The following KDM1A variants were observed in gnomAD, a reference collection of about 807,000 sequenced individuals.
KDM1A encodes the protein lysine demethylase 1A, also known as lysine-specific histone demethylase 1A.
In KDM1A, 49 loss-of-function variants were observed where a neutral mutation model predicts 109.4. The ratio of observed to expected loss-of-function variants is 0.45; its 90% CI spans 0.36 to 0.57. The LOEUF (loss-of-function observed/expected upper bound fraction) is 0.57. KDM1A is among the 20% of genes least tolerant of loss of function. The probability of loss-of-function intolerance (pLI) is 0.00; values close to 1 mark genes in which losing one functional copy is unlikely to be tolerated. For synonymous variants in KDM1A, 380 were observed against 415.4 expected (o/e 0.91, Z 1.04); for missense variants, 668 against 1,116.6 (o/e 0.60, Z 5.73).
rs930049482 is a variant in KDM1A at position 23,071,382 on chromosome 1, A to G, written c.1548+23A>G. 5 of 1,568,062 alleles carry G rather than the reference A, an allele frequency of 3.2e-6. No individual in the cohort carries two copies. In the African/African-American group the frequency reaches 6.9e-5, roughly 22 times the overall value. ...AAGGTGTGGTATACATACATGCCTA[A>G]CTGGTTTTACTTGGAATCCTAAGAA... On this transcript the variant is annotated intron_variant, in intron 13 of 20. Coordinates refer to ENST00000400181, the MANE Select transcript of KDM1A (RefSeq NM_001009999.3).
rs1298612005 is a variant in KDM1A at position 23,083,557 on chromosome 1, A to T, written c.*193A>T. On this transcript the variant is annotated 3_prime_UTR_variant, in exon 21 of 21. Coordinates refer to ENST00000400181, the MANE Select transcript of KDM1A (RefSeq NM_001009999.3). ...CTAGAGCACAGGGAGGAACTTGTCC[A>T]TTAGTTTGGAATTGTGTTCTTCGTA... The T allele has an allele frequency of 2.1e-6, 1 of 473,222 alleles. No homozygotes were observed. Among genetic ancestry groups the T allele is most frequent in the African/African-American group, 1.9e-5 (1 of 52,072 alleles). 29.3% of individuals were successfully genotyped at this position (473,222 alleles called of 1,614,324 possible).
rs753995292 is a variant in KDM1A at position 23,083,301 on chromosome 1, C to T, written c.2568C>T (p.Ala856=). Residue 856 remains alanine, a synonymous_variant, in exon 21 of 21, where the codon GCC becomes GCT. Coordinates refer to ENST00000400181, the MANE Select transcript of KDM1A (RefSeq NM_001009999.3). The stretch of plus-strand genomic sequence containing the variant: ...GAATTGCAGACCAGTTTTTGGGGGC[C>T]ATGTATACGCTGCCTCGCCAGGCCA... ...AGRIADQFLG[A]MYTLPRQATP... 1 of 1,613,878 alleles carries T rather than the reference C, an allele frequency of 6.2e-7. No individual in the cohort carries two copies. Among genetic ancestry groups the T allele is most frequent in the East Asian group, 2.2e-5 (1 of 44,858 alleles).
At position 23,055,812 on chromosome 1, in the gene KDM1A, T is replaced by C. The variant is rs562533417; in HGVS notation, c.884-120T>C. 3.2e-5 allele frequency: 15 copies of C among 472,426 alleles called. No individual in the cohort carries two copies. In the South Asian group the frequency reaches 4.6e-4, roughly 14 times the overall value. 29.3% of individuals were successfully genotyped at this position (472,426 alleles called of 1,614,324 possible). The stretch of plus-strand genomic sequence containing the variant: ...AGTTTCCATATTTTGAAAATAACTC[T>C]CTGTATTTTTTACTTTGTAAGCTAT... On this transcript the variant is annotated intron_variant, in intron 6 of 20. Transcript: ENST00000400181.
At chr1:23,059,931 C>T (rs1300297525) in intron 9 of KDM1A, among the ~76,000 whole-genome samples, 2 of 152,120 alleles carry the variant, frequency 1.3e-5, no homozygotes, top group African/African-American at 4.8e-5. Flanking sequence ...GCTATTCTTA[C>T]TAAAAGTAGT....
Position 23,081,566 on chromosome 1 carries a change from T to C in KDM1A, c.2291T>C (p.Val764Ala), listed in dbSNP as rs1286998476. Residue 764 changes from valine (V) to alanine (A), a missense_variant, in exon 19 of 21, where the codon GTA (valine) becomes GCA (alanine). By Grantham distance (64) the Val-to-Ala change is moderately conservative. Around this residue, in one of 8 missense-constraint regions of KDM1A, gnomAD observed 162 missense variants for 376.4 expected, o/e 0.43. Coordinates refer to ENST00000400181, the MANE Select transcript of KDM1A (RefSeq NM_001009999.3). Reference sequence around the variant, plus strand: ...AAAGGGATTTTTGGTAGCAGTGCAGTACCTCAGGTAAGTAGGTAGGTGGGG... The same window carrying C: ...AAAGGGATTTTTGGTAGCAGTGCAGCACCTCAGGTAAGTAGGTAGGTGGGG... ...ILKGIFGSSA[V>A]PQPKETVVSR... The C allele has an allele frequency of 6.2e-7, 1 of 1,614,126 alleles. No individual in the cohort carries two copies. The highest frequency in any genetic ancestry group is 2.2e-5 in the East Asian group (1 of 44,874).
Position 23,040,931 on chromosome 1 carries a change from A to G in KDM1A, c.518-3496A>G, listed in dbSNP as rs147920004. Among the ~76,000 whole-genome samples the G allele has an allele frequency of 2.7e-3, 409 of 152,340 alleles. 5 individuals carry two copies. The highest frequency in any genetic ancestry group is 9.1e-3 in the African/African-American group (378 of 41,582). On this transcript the variant is annotated intron_variant, in intron 2 of 20. Transcript: ENST00000400181. ...GGTGATATTACAAAGTTGCTTTTGAATATTTTCATTTTCTGTTTTGAATTT... is the reference window on the plus strand; with the variant it reads ...GGTGATATTACAAAGTTGCTTTTGAGTATTTTCATTTTCTGTTTTGAATTT...
At position 23,055,099 on chromosome 1, in the gene KDM1A, G is replaced by A. The variant is rs2124467019; in HGVS notation, c.821G>A (p.Ser274Asn). The part of the protein sequence containing the change: ...SDTVLVHRVH[S>N]YLERHGLINF... ...ACTGTGCTTGTCCACCGAGTTCACA[G>A]TTATTTAGAGCGTCATGGTCTTATC... The change falls in exon 6 of 21, where the codon AGT (serine) becomes AAT (asparagine). Residue 274 changes from serine (S) to asparagine (N), a missense_variant. Coordinates refer to ENST00000400181, the MANE Select transcript of KDM1A (RefSeq NM_001009999.3). 1 of 1,612,518 alleles carries A rather than the reference G, an allele frequency of 6.2e-7. No individual in the cohort carries two copies. The highest frequency in any genetic ancestry group is 8.5e-7 in the Non-Finnish European group (1 of 1,179,472).
At chr1:23,023,471 C>G (rs745353249) in intron 1 of KDM1A, among the ~76,000 whole-genome samples, 2 of 152,122 alleles carry the variant, frequency 1.3e-5, no homozygotes, top group Non-Finnish European at 2.9e-5. Context: ...TTTCTCTCAG[C>G]GAATAGTTGG....
chr1:23,080,945 AT>A, intron 18 of KDM1A: 1 of 152,854 alleles, frequency 6.5e-6, no homozygotes, highest in Admixed American at 6.5e-5. Flanking sequence ...TTTATATCAT[AT>A]TTTTTATCCC....
Position 23,019,793 on chromosome 1 carries a change from C to T in KDM1A, c.197C>T (p.Pro66Leu). The T allele has an allele frequency of 1.4e-6, 2 of 1,384,676 alleles. No individual in the cohort carries two copies. Among genetic ancestry groups the T allele is most frequent in the Non-Finnish European group, 1.9e-6 (2 of 1,068,298 alleles). The allele number at this position is 1,384,676 out of a possible 1,614,324, so 85.8% of individuals were successfully genotyped here. A position where few individuals can be genotyped will look rare whatever the true frequency, so the allele number is the denominator to read the frequency against. ...GERTPRKKEP[P>L]RASPPGGLAE... ...CGCACACCCCGCAAGAAAGAGCCTC[C>T]GCGGGCCTCGCCCCCCGGGGGCCTG... is the stretch of plus-strand genomic sequence containing the variant. The change falls in exon 1 of 21, where the codon CCG becomes CTG. Residue 66 changes from proline (P) to leucine (L), a missense_variant. Pro to Leu is a moderately conservative substitution (Grantham distance 98). Coordinates refer to ENST00000400181, the MANE Select transcript of KDM1A (RefSeq NM_001009999.3).
chr1:23,019,623 C>CGCGGCG lies in KDM1A; in HGVS notation c.36_41dup (p.Ala17_Ala18dup). On this transcript the variant is annotated inframe_insertion, in exon 1 of 21. Transcript: ENST00000400181. ...TGTTATCTGGGAAGAAGGCGGCAGC[C>CGCGGCG]GCGGCGGCGGCGGCTGCAGCGGCAG... is the stretch of plus-strand genomic sequence containing the variant. The CGCGGCG allele has an allele frequency of 6.3e-6, 9 of 1,418,186 alleles. No individual in the cohort carries two copies. Among genetic ancestry groups the CGCGGCG allele is most frequent in the South Asian group, 3.1e-5 (2 of 65,280 alleles). The allele number at this position is 1,418,186 out of a possible 1,614,324, so 87.9% of individuals were successfully genotyped here. A position where few individuals can be genotyped will look rare whatever the true frequency, so the allele number is the denominator to read the frequency against.
chr1:23,031,197 G>A (rs561017466), intron 2 of KDM1A, among the ~76,000 whole-genome samples: 6 of 152,274 alleles, frequency 3.9e-5, no homozygotes, highest in Admixed American at 1.3e-4. Context: ...GCTTCAAACA[G>A]CTTTAAAGAA....
In KDM1A at chr1:23,079,636, T is replaced by C; in HGVS notation, c.2139T>C (p.Gly713=). The C allele has an allele frequency of 3.1e-6, 5 of 1,613,542 alleles. No individual in the cohort carries two copies. Among genetic ancestry groups the C allele is most frequent in the Admixed American group, 1.7e-5 (1 of 59,980 alleles). ...GHVGSTTASR[G]ELFLFWNLYK... The stretch of plus-strand genomic sequence containing the variant: ...TTGGCAGTACGACTGCCAGCAGGGG[T>C]GAGCTCTTCCTCTTCTGGAACCTCT... The change falls in exon 18 of 21, where the codon GGT becomes GGC. Residue 713 remains glycine (G), a synonymous_variant. Transcript: ENST00000400181. This position sits in a 1 kb window ranked among gnomAD's most constrained non-coding sequence, Gnocchi z 5.6.
chr1:23,042,514 G>A (rs1431083513), intron 2 of KDM1A, among the ~76,000 whole-genome samples: 3 of 134,248 alleles, frequency 2.2e-5, no homozygotes, highest in South Asian at 2.4e-4. Context: ...GTGCAGTGGC[G>A]GGATCTCGGC....
intron 15 of KDM1A, among the ~76,000 whole-genome samples, chr1:23,074,693 T>C (rs1019372393): frequency 6.6e-6 from 1 of 152,364 alleles, no homozygotes; most frequent in East Asian, 1.9e-4. Context: ...TTAGCTCTTA[T>C]GTTTAGGTCT....
In KDM1A at chr1:23,077,309, C is replaced by T; in HGVS notation, c.1816C>T (p.Leu606=). ...SCVPVALAEG[L]DIKLNTAVRQ... is the part of the protein sequence containing the mutation. ...TGTGCCTGTGGCTTTAGCAGAAGGC[C>T]TAGACATTAAACTGAATACAGCAGT... The change falls in exon 16 of 21, where the codon CTA becomes TTA. Residue 606 remains leucine (L), a synonymous_variant. Coordinates refer to ENST00000400181, the MANE Select transcript of KDM1A (RefSeq NM_001009999.3). The T allele has an allele frequency of 6.2e-7, 1 of 1,614,114 alleles. No individual in the cohort carries two copies. The highest frequency in any genetic ancestry group is 8.5e-7 in the Non-Finnish European group (1 of 1,179,986).
chr1:23,055,862 A>G, intron 6 of KDM1A, 70 bp from the exon 7 acceptor site: 8 of 952,110 alleles, frequency 8.4e-6, no homozygotes, highest in Non-Finnish European at 1.3e-5. Context: ...AGAGGTTTTC[A>G]TGAAATAAGA....
chr1:23,062,445 T>C (rs1643026971), intron 9 of KDM1A, among the ~76,000 whole-genome samples: 1 of 152,168 alleles, frequency 6.6e-6, no homozygotes, highest in Non-Finnish European at 1.5e-5. Context: ...TCAAAAAACG[T>C]AACTTGTTGG....
rs694839 is a variant in KDM1A, at chr1:23,053,615, G to T, written c.712-146G>T. On this transcript the variant is annotated intron_variant, in intron 4 of 20. Coordinates refer to ENST00000400181, the MANE Select transcript of KDM1A (RefSeq NM_001009999.3). Reference sequence around the variant, plus strand: ...TGCCTAAGCTGGTCTCAAACTCCTGGGCTCAAGTGATCCTTCCACCTCAGC... The same window carrying T: ...TGCCTAAGCTGGTCTCAAACTCCTGTGCTCAAGTGATCCTTCCACCTCAGC... 2,711 of 633,262 alleles carry T rather than the reference G, an allele frequency of 4.3e-3. 72 individuals carry two copies. In the African/African-American group the frequency reaches 0.044, roughly 10 times the overall value. 39.2% of individuals were successfully genotyped at this position (633,262 alleles called of 1,614,324 possible).
Sources: allele counts gnomAD v4.1 joint callset (sites outside exome capture counted in the v4.1 genomes callset), GRCh38; gene constraint gnomAD v4.1.1; regional missense constraint gnomAD v4.1.1; non-coding constraint Gnocchi (gnomAD v3.1); transcripts MANE v1.5; gene names NCBI Gene and HGNC (gene_info 2026-07-23, HGNC 2026-07-21).